Variants in MUC12 observed in about 807,000 individuals in gnomAD.
The protein encoded by MUC12 is mucin-12.
Under a neutral mutation model 230.8 loss-of-function variants are expected in MUC12, and 172 were observed. The ratio of observed to expected loss-of-function variants is 0.75; its 90% CI spans 0.66 to 0.85. The LOEUF (loss-of-function observed/expected upper bound fraction) is 0.85, where lower values mean the gene tolerates loss of function less well. Ranked by LOEUF, MUC12 falls within the 40% of genes least tolerant of loss-of-function variation. MUC12 has a pLI of 0.00. For missense variants in MUC12, 3,506 were observed against 5,920.6 expected (o/e 0.59, Z 13.38); for synonymous variants, 1,259 against 2,401.9 (o/e 0.52, Z 13.91).
At chr7:101,008,811 G>A (rs1474100723) in intron 4 of MUC12, 50 bp downstream of exon 4, 1 of 1,506,438 alleles carries the variant, frequency 6.6e-7, no homozygotes, top group Admixed American at 2.1e-5. Flanking sequence ...CCACGTGAGA[G>A]GAAATTGGGG....
At chr7:100,973,042 C>T in intron 1 of MUC12, 1 of 679,766 alleles carries the variant, frequency 1.5e-6, no homozygotes, top group Non-Finnish European at 2.7e-6. Context: ...TGTGGTGGTG[C>T]TGGTGCATTT....
In MUC12 at chr7:101,004,956, A is replaced by G; in HGVS notation, c.14393A>G (p.His4798Arg). The G allele has an allele frequency of 1.3e-6, 2 of 1,537,798 alleles. No individual in the cohort carries two copies. Among genetic ancestry groups the G allele is most frequent in the Non-Finnish European group, 1.7e-6 (2 of 1,147,042 alleles). The change falls in exon 2 of 12, where the codon CAC becomes CGC. Residue 4798 changes from histidine (H) to arginine (R), a missense_variant. Coordinates refer to ENST00000536621, the MANE Select transcript of MUC12 (RefSeq NM_001164462.2). Reference protein sequence around the residue: ...SGLSQESTTFHSKPGSTETTL... With the variant: ...SGLSQESTTFRSKPGSTETTL... ...CTCAGTCAGGAATCAACAACTTTCC[A>G]CAGTAAGCCAGGCTCAACTGAGACA...
chr7:100,972,764 C>T, intron 1 of MUC12: 2 of 667,006 alleles, frequency 3.0e-6, no homozygotes, highest in East Asian at 2.7e-5. Context: ...GCTCGAACTC[C>T]CAAAGTGCTG....
chr7:100,976,915 G>T (rs1400342961), intron 1 of MUC12, among the ~76,000 whole-genome samples: 1 of 151,802 alleles, frequency 6.6e-6, no homozygotes, highest in African/African-American at 2.4e-5. Flanking sequence ...ACTGGGCATG[G>T]TGGCAGGTTC....
At chr7:100,977,050 CAAAAAAAAAAAAA>C (rs1157648244) in intron 1 of MUC12, among the ~76,000 whole-genome samples, 8 of 62,426 alleles carry the variant, frequency 1.3e-4, no homozygotes, top group Admixed American at 2.1e-4. Flanking sequence ...GACTCCATCT[CAAAAAAAAAAAAA>C]AAAAAAAAAA....
chr7:100,978,559 C>A (rs1402823676), intron 1 of MUC12, among the ~76,000 whole-genome samples: 1 of 152,160 alleles, frequency 6.6e-6, no homozygotes, highest in Non-Finnish European at 1.5e-5. Context: ...GGAGACATAG[C>A]AAGGACCCTC....
chr7:101,015,898 T>A (rs747311507), intron 10 of MUC12, among the ~76,000 whole-genome samples: 11 of 152,068 alleles, frequency 7.2e-5, no homozygotes, highest in Non-Finnish European at 1.5e-4. Context: ...GAGAACCAGA[T>A]CTTGCCCCCA....
At chr7:101,005,662 C>G in intron 2 of MUC12, 143 bp downstream of exon 2, 1 of 1,045,026 alleles carries the variant, frequency 9.6e-7, no homozygotes, top group Non-Finnish European at 1.3e-6. Flanking sequence ...TTTCTGGGTT[C>G]GATACCACTT....
intron 1 of MUC12, among the ~76,000 whole-genome samples, chr7:100,988,304 A>AG (rs1793226317): frequency 6.6e-6 from 1 of 151,200 alleles, no homozygotes; most frequent in Non-Finnish European, 1.5e-5. Flanking sequence ...AAAAAAAAAA[A>AG]AAAAAAAGAA....
At chr7:100,982,451 T>C (rs1253951624) in intron 1 of MUC12, among the ~76,000 whole-genome samples, 1 of 151,786 alleles carries the variant, frequency 6.6e-6, no homozygotes, top group Non-Finnish European at 1.5e-5. Flanking sequence ...TTTTTTTTTT[T>C]TTAGAAACAG....
At chr7:101,005,635 G>T in intron 2 of MUC12, 116 bp downstream of exon 2, 1 of 1,287,378 alleles carries the variant, frequency 7.8e-7, no homozygotes, top group Non-Finnish European at 1.0e-6. Flanking sequence ...CTTTACTTGG[G>T]TCTACCGATT....
intron 1 of MUC12, among the ~76,000 whole-genome samples, chr7:100,971,152 CA>C (rs201598387): frequency 2.9e-4 from 8 of 27,406 alleles, no homozygotes; most frequent in Admixed American, 3.8e-4. Context: ...GAGACTCTCT[CA>C]AAAAAAAACA....
In MUC12 at chr7:101,008,903, C is replaced by T. The variant is rs981423071; in HGVS notation, c.15186+142C>T. The stretch of plus-strand genomic sequence containing the variant: ...GTCTCCCTAAGTCTTGAAAGGAGGT[C>T]CTTTGAGAGCTTCCAGCCTTCAGCC... On this transcript the variant is annotated intron_variant, in intron 4 of 11. Coordinates refer to ENST00000536621, the MANE Select transcript of MUC12 (RefSeq NM_001164462.2). 30 of 1,288,168 alleles carry T rather than the reference C, an allele frequency of 2.3e-5. 1 individual carries two copies. In the African/African-American group the frequency reaches 2.7e-4, roughly 12 times the overall value. The allele number at this position is 1,288,168 out of a possible 1,614,324, so 79.8% of individuals were successfully genotyped here.
At chr7:100,978,277 T>TCTCTAC (rs1379934834) in intron 1 of MUC12, among the ~76,000 whole-genome samples, 1 of 152,084 alleles carries the variant, frequency 6.6e-6, no homozygotes, top group South Asian at 2.1e-4. Context: ...CCCAGCTCTA[T>TCTCTAC]CTCTACCTCT....
At chr7:101,013,339 G>C (rs1301874235) in intron 8 of MUC12, among the ~76,000 whole-genome samples, 197 bp downstream of exon 8, 1 of 152,048 alleles carries the variant, frequency 6.6e-6, no homozygotes, top group African/African-American at 2.4e-5. Flanking sequence ...GTAGATTATA[G>C]ACATAGAGGT....
Position 101,004,740 on chromosome 7 carries a change from C to A in MUC12, c.14177C>A (p.Ala4726Asp), listed in dbSNP as rs942517345. ...CCAGGCTCAATGGAAACAACATTAG[C>A]CAGCACTGCCACAACACCAGGCCTC... ...ISPGSMETTL[A>D]STATTPGLSA... The change falls in exon 2 of 12, where the codon GCC becomes GAC. Residue 4726 changes from alanine to aspartate, a missense_variant. Physicochemically the swap from Ala to Asp is moderately radical, Grantham distance 126. Coordinates refer to ENST00000536621, the MANE Select transcript of MUC12 (RefSeq NM_001164462.2). 2.0e-6 allele frequency: 3 copies of A among 1,536,864 alleles called. No individual in the cohort carries two copies. Among genetic ancestry groups the A allele is most frequent in the Admixed American group, 2.0e-5 (1 of 50,966 alleles).
chr7:100,970,324 T>G (rs1314769396), intron 1 of MUC12, among the ~76,000 whole-genome samples: 1 of 151,718 alleles, frequency 6.6e-6, no homozygotes, highest in African/African-American at 2.4e-5. Context: ...CCGTCTCTAC[T>G]AAAAATACAA....
intron 1 of MUC12, among the ~76,000 whole-genome samples, chr7:100,980,183 A>G (rs926436059): frequency 1.3e-5 from 2 of 152,134 alleles, no homozygotes; most frequent in African/African-American, 2.4e-5. Flanking sequence ...AGCTGGGTCT[A>G]TAGGTGTGCC....
In MUC12 at chr7:100,976,371, C is replaced by T. The variant is rs141860477; in HGVS notation, c.67+6682C>T. Among the ~76,000 whole-genome samples the T allele has an allele frequency of 5.9e-3, 890 of 151,914 alleles. 6 individuals are homozygous for T. The highest frequency in any genetic ancestry group is 0.019 in the African/African-American group (805 of 41,404). ...CTGTAATCCCAGCACTTTGGGAGGTCGAGGCGGATGGATGACAAGGTCAGG... is the reference window on the plus strand; with the variant it reads ...CTGTAATCCCAGCACTTTGGGAGGTTGAGGCGGATGGATGACAAGGTCAGG... On this transcript the variant is annotated intron_variant, in intron 1 of 11. Coordinates refer to ENST00000536621, the MANE Select transcript of MUC12 (RefSeq NM_001164462.2).
Sources: gnomAD v4.1 joint callset for allele counts (sites outside exome capture counted in the v4.1 genomes callset) on GRCh38, gnomAD v4.1.1 for gene constraint, MANE v1.5 for transcripts, NCBI Gene and HGNC (gene_info 2026-07-23, HGNC 2026-07-21) for gene names.